TNFRSF19: variants seen among roughly 807,000 people sequenced by gnomAD.
The protein encoded by TNFRSF19 is TNF receptor superfamily member 19, also known as tumor necrosis factor receptor superfamily member 19.
In TNFRSF19, 27 loss-of-function variants were observed where a neutral mutation model predicts 46.4. That is an observed-to-expected ratio of 0.58 (90% confidence interval 0.43 to 0.80). TNFRSF19 has a LOEUF of 0.80. Among genes scored for constraint, TNFRSF19 ranks in the 30% least tolerant of loss-of-function variants. The pLI is 0.00. For missense variants in TNFRSF19, 511 were observed against 530.8 expected (o/e 0.96, Z 0.37); for synonymous variants, 204 against 205.0 (o/e 1.00, Z 0.04).
intron 5 of TNFRSF19, among the ~76,000 whole-genome samples, chr13:23,635,163 A>T (rs9510790): frequency 0.21 from 31,200 of 151,914 alleles, 3,864 homozygotes; most frequent in East Asian, 0.3. Context: ...CTCCAGGTGA[A>T]CTCCGAGGGA....
At position 23,590,259 on chromosome 13, in the gene TNFRSF19, A is replaced by G. The variant is rs1226170621; in HGVS notation, c.69+7A>G. Reference sequence around the variant, plus strand: ...AGTATTACTAGGCTATTTGGTAAGTAAAGTCCTTTTTTCTTTCATAAGAAT... The same window carrying G: ...AGTATTACTAGGCTATTTGGTAAGTGAAGTCCTTTTTTCTTTCATAAGAAT... On this transcript the variant is annotated splice_region_variant and intron_variant, in intron 2 of 9. Coordinates refer to ENST00000248484, the MANE Select transcript of TNFRSF19 (RefSeq NM_148957.4). 3 of 1,555,842 alleles carry G rather than the reference A, an allele frequency of 1.9e-6. No individual in the cohort carries two copies. Among genetic ancestry groups the G allele is most frequent in the East Asian group, 4.6e-5 (2 of 43,696 alleles).
At chr13:23,578,138 A>G (rs544674341) in intron 1 of TNFRSF19, among the ~76,000 whole-genome samples, 13 of 152,298 alleles carry the variant, frequency 8.5e-5, no homozygotes, top group African/African-American at 3.1e-4. Context: ...TGGGGAAGGA[A>G]ACAGATAAAG....
At chr13:23,632,073 C>A (rs1289314716) in intron 5 of TNFRSF19, among the ~76,000 whole-genome samples, 1 of 152,144 alleles carries the variant, frequency 6.6e-6, no homozygotes, top group Non-Finnish European at 1.5e-5. Context: ...ACTTAACAGC[C>A]CTTTTCCAAG....
At position 23,668,839 on chromosome 13, in the gene TNFRSF19, C is replaced by G. The variant is rs781081544; in HGVS notation, c.987C>G (p.Leu329=). ...NISFCDSYPE[L]TGEDIHSLNP... Reference sequence around the variant, plus strand: ...CTTTTTGTGACTCTTATCCTGAACTCACTGGAGAAGACATTCATTCTCTCA... The same window carrying G: ...CTTTTTGTGACTCTTATCCTGAACTGACTGGAGAAGACATTCATTCTCTCA... Residue 329 remains leucine (L), a synonymous_variant, in exon 9 of 10, where the codon CTC becomes CTG. Coordinates refer to ENST00000248484, the MANE Select transcript of TNFRSF19 (RefSeq NM_148957.4). 35 of 1,614,140 alleles carry G rather than the reference C, an allele frequency of 2.2e-5. No homozygotes were observed. The highest frequency in any genetic ancestry group is 5.1e-6 in the Non-Finnish European group (6 of 1,180,056).
intron 3 of TNFRSF19, among the ~76,000 whole-genome samples, chr13:23,594,694 G>A (rs1879576331): frequency 6.6e-6 from 1 of 152,356 alleles, no homozygotes; most frequent in Admixed American, 6.5e-5. Flanking sequence ...AGCTTCAGCA[G>A]ACTTAAACGT....
At chr13:23,587,189 T>C (rs1194489902) in intron 1 of TNFRSF19, among the ~76,000 whole-genome samples, 1 of 152,196 alleles carries the variant, frequency 6.6e-6, no homozygotes, top group Non-Finnish European at 1.5e-5. Context: ...TTAAAAATAA[T>C]TTTAATAAAT....
chr13:23,581,181 G>C (rs1201469385), intron 1 of TNFRSF19, among the ~76,000 whole-genome samples: 1 of 147,198 alleles, frequency 6.8e-6, no homozygotes, highest in Non-Finnish European at 1.5e-5. Context: ...AGGCTGGAGT[G>C]CAGTGGCGCT....
chr13:23,643,463 T>C (rs1026855250), intron 5 of TNFRSF19, among the ~76,000 whole-genome samples: 1 of 152,222 alleles, frequency 6.6e-6, no homozygotes, highest in Non-Finnish European at 1.5e-5. Flanking sequence ...GAGAGTAATG[T>C]TTATTAATAA....
intron 5 of TNFRSF19, among the ~76,000 whole-genome samples, chr13:23,648,025 A>C (rs1034803396): frequency 6.6e-6 from 1 of 152,032 alleles, no homozygotes; most frequent in Non-Finnish European, 1.5e-5. Context: ...GGGAAATGTG[A>C]GTGCTCCATC....
chr13:23,669,464 A>G (rs1215215142), intron 9 of TNFRSF19: 3 of 982,286 alleles, frequency 3.1e-6, no homozygotes, highest in East Asian at 2.3e-4. Context: ...TTATATATAT[A>G]TTACTTATGC....
At chr13:23,608,197 C>A (rs942149313) in intron 3 of TNFRSF19, among the ~76,000 whole-genome samples, 2 of 152,150 alleles carry the variant, frequency 1.3e-5, no homozygotes, top group Non-Finnish European at 1.5e-5. Flanking sequence ...TTGATGATAC[C>A]CTTCTCTTCC....
intron 7 of TNFRSF19, among the ~76,000 whole-genome samples, chr13:23,663,542 G>A (rs113252282): frequency 8.5e-5 from 13 of 152,250 alleles, no homozygotes; most frequent in African/African-American, 1.2e-4. Flanking sequence ...GAATGAGTTA[G>A]GAAGGAGTCC....
intron 1 of TNFRSF19, among the ~76,000 whole-genome samples, chr13:23,577,099 A>C (rs937241342): frequency 6.6e-6 from 1 of 152,240 alleles, no homozygotes; most frequent in African/African-American, 2.4e-5. Flanking sequence ...TTACATATGG[A>C]GAACCAGAAA....
At chr13:23,598,606 A>G (rs540861929) in intron 3 of TNFRSF19, among the ~76,000 whole-genome samples, 1 of 152,178 alleles carries the variant, frequency 6.6e-6, no homozygotes, top group Non-Finnish European at 1.5e-5. Flanking sequence ...CAGTGAGTGT[A>G]TGTTACTCCC....
chr13:23,651,740 GT>G (rs1014908232), intron 5 of TNFRSF19, among the ~76,000 whole-genome samples: 11 of 150,796 alleles, frequency 7.3e-5, no homozygotes, highest in Admixed American at 2.6e-4. Context: ...AGTCATGCTT[GT>G]GTTTTAAATT....
At chr13:23,593,513 A>G (rs1187727871) in intron 3 of TNFRSF19, 58 bp downstream of exon 3, 2 of 1,168,628 alleles carry the variant, frequency 1.7e-6, no homozygotes, top group Admixed American at 4.4e-5. Context: ...ATTCGTCTTA[A>G]CTCAATTCTT....
chr13:23,636,677 C>T (rs953812018), intron 5 of TNFRSF19, among the ~76,000 whole-genome samples: 1 of 152,170 alleles, frequency 6.6e-6, no homozygotes, highest in Admixed American at 6.5e-5. Flanking sequence ...GAGGCAGAGA[C>T]ACCCACAGCA....
rs111611410 is a variant in TNFRSF19 at position 23,621,708 on chromosome 13, C to G, written c.360-4999C>G. Among the ~76,000 whole-genome samples, 943 of 152,162 alleles carry G rather than the reference C, an allele frequency of 6.2e-3. 10 individuals carry two copies. The highest frequency in any genetic ancestry group is 0.022 in the African/African-American group (904 of 41,496). On this transcript the variant is annotated intron_variant, in intron 4 of 9. Transcript: ENST00000248484. Reference sequence around the variant, plus strand: ...TTAAAAATTCCTCTTCATTGGGAGGCTGAGGCAGGTGGATCGCTTGAGCTC... The same window carrying G: ...TTAAAAATTCCTCTTCATTGGGAGGGTGAGGCAGGTGGATCGCTTGAGCTC...
At chr13:23,585,432 A>G (rs1463901182) in intron 1 of TNFRSF19, 2 of 152,226 alleles carry the variant, frequency 1.3e-5, no homozygotes, top group Non-Finnish European at 1.5e-5. Context: ...TTTCTTTCTA[A>G]TTATCACCAT....
Sources: allele counts gnomAD v4.1 joint callset (sites outside exome capture counted in the v4.1 genomes callset), GRCh38; gene constraint gnomAD v4.1.1; transcripts MANE v1.5; gene names NCBI Gene and HGNC (gene_info 2026-07-23, HGNC 2026-07-21).